The following LATS2 variants were observed in gnomAD, a reference collection of about 807,000 sequenced individuals.
LATS2 encodes the protein serine/threonine-protein kinase LATS2.
Under a neutral mutation model 76.0 loss-of-function variants are expected in LATS2, and 24 were observed. The ratio of observed to expected loss-of-function variants is 0.32; its 90% CI spans 0.23 to 0.44. The LOEUF is 0.44. Ranked by LOEUF, LATS2 falls within the 20% of genes least tolerant of loss-of-function variation. The pLI is 1.00. For synonymous variants in LATS2, 692 were observed against 635.4 expected (o/e 1.09, Z -1.34); for missense variants, 1,286 against 1,481.2 (o/e 0.87, Z 2.16).
chr13:21,056,707 G>A (rs1386079659), intron 1 of LATS2, among the ~76,000 whole-genome samples: 3 of 152,198 alleles, frequency 2.0e-5, no homozygotes, highest in Non-Finnish European at 4.4e-5. Context: ...GAGAATCACT[G>A]CTATGGACTG....
chr13:20,997,268 G>A (rs1870797782), intron 2 of LATS2, among the ~76,000 whole-genome samples: 1 of 152,182 alleles, frequency 6.6e-6, no homozygotes, highest in Non-Finnish European at 1.5e-5. Context: ...CTGTACCTTA[G>A]GTATCTTTCC....
At chr13:21,059,456 G>A (rs1873554277) in intron 1 of LATS2, among the ~76,000 whole-genome samples, 1 of 152,040 alleles carries the variant, frequency 6.6e-6, no homozygotes. Context: ...AATTAGCCGG[G>A]CGTGGTGGCA....
At chr13:20,979,078 T>C (rs1312929635) in intron 7 of LATS2, among the ~76,000 whole-genome samples, 2 of 152,134 alleles carry the variant, frequency 1.3e-5, no homozygotes, top group African/African-American at 4.8e-5. Flanking sequence ...CCTCCCAAAG[T>C]AGTGGGATTA....
chr13:20,990,655 T>C (rs986613056), intron 3 of LATS2, among the ~76,000 whole-genome samples: 3 of 151,972 alleles, frequency 2.0e-5, no homozygotes, highest in Non-Finnish European at 4.4e-5. Context: ...CGCCTGGCCA[T>C]GAATCCTTTA....
Position 20,974,303 on chromosome 13 carries a change from CA to C in LATS2, c.*566del. 2.7e-5 allele frequency: 6 copies of C among 223,578 alleles called. No individual in the cohort carries two copies. Among genetic ancestry groups the C allele is most frequent in the Non-Finnish European group, 4.4e-5 (5 of 112,662 alleles). The allele number at this position is 223,578 out of a possible 1,614,324, so 13.8% of individuals were successfully genotyped here. A position where few individuals can be genotyped will look rare whatever the true frequency, so the allele number is the denominator to read the frequency against. Reference sequence around the variant, plus strand: ...CTATTATACTAGATATGCAAAAAGCCAAAAAAAGCAGCTTTTAACATTATAT... The same window carrying C: ...CTATTATACTAGATATGCAAAAAGCCAAAAAAGCAGCTTTTAACATTATAT... On this transcript the variant is annotated 3_prime_UTR_variant, in exon 8 of 8. Transcript: ENST00000382592.
intron 3 of LATS2, among the ~76,000 whole-genome samples, chr13:20,990,943 C>A (rs994661728): frequency 2.2e-4 from 33 of 152,344 alleles, no homozygotes; most frequent in African/African-American, 7.2e-4. Flanking sequence ...GTGAAAAGAC[C>A]ATTTTTACGC....
Position 20,974,960 on chromosome 13 carries a change from TGAAG to T in LATS2, c.3173_3176del (p.Pro1058GlnfsTer13). ...TCTCAGCCTGTGAAGCTTCTGCTCC[TGAAG>T]GCTTTGGGCATCGAAAGGGGTAGCC... is the stretch of plus-strand genomic sequence containing the variant. On this transcript the variant is annotated frameshift_variant, in exon 8 of 8. Coordinates refer to ENST00000382592, the MANE Select transcript of LATS2 (RefSeq NM_014572.3). LOFTEE classifies it low-confidence loss of function (END_TRUNC). The T allele has an allele frequency of 1.2e-6, 2 of 1,614,246 alleles. No homozygotes were observed. Among genetic ancestry groups the T allele is most frequent in the Non-Finnish European group, 1.7e-6 (2 of 1,180,042 alleles).
intron 4 of LATS2, among the ~76,000 whole-genome samples, chr13:20,986,153 C>G (rs1870132174): frequency 6.6e-6 from 1 of 152,072 alleles, no homozygotes; most frequent in Non-Finnish European, 1.5e-5. Flanking sequence ...CAGGGAAATG[C>G]AAATGAAAAC....
chr13:20,983,955 G>T, intron 4 of LATS2, 149 bp from the exon 5 acceptor site: 1 of 651,954 alleles, frequency 1.5e-6, no homozygotes, highest in South Asian at 1.9e-5. Context: ...ATATACTACA[G>T]AGTCTCGCTC....
intron 2 of LATS2, among the ~76,000 whole-genome samples, chr13:21,040,260 G>A (rs1219585944): frequency 3.3e-5 from 5 of 151,766 alleles, no homozygotes; most frequent in Non-Finnish European, 4.4e-5. Flanking sequence ...GGTGATGTGC[G>A]CCTGTGGTCT....
In LATS2 at chr13:20,991,593, C is replaced by G. The variant is rs1051156033; in HGVS notation, c.343-189G>C. On this transcript the variant is annotated intron_variant, in intron 2 of 7. Coordinates refer to ENST00000382592, the MANE Select transcript of LATS2 (RefSeq NM_014572.3). This position sits in a 1 kb window ranked among gnomAD's most constrained non-coding sequence, Gnocchi z 4.9. ...TGTGTGCCCTGCAGGTACCTGATGGCAAAAGCCTAGCACAAGCCACACCAT... is the reference window on the plus strand; with the variant it reads ...TGTGTGCCCTGCAGGTACCTGATGGGAAAAGCCTAGCACAAGCCACACCAT... 1.1e-4 allele frequency among the ~76,000 whole-genome samples: 16 copies of G among 152,176 alleles called. No individual in the cohort carries two copies. Among genetic ancestry groups the G allele is most frequent in the African/African-American group, 3.6e-4 (15 of 41,444 alleles).
Position 21,023,747 on chromosome 13 carries a change from G to A in LATS2, c.342+21938C>T, listed in dbSNP as rs376685837. On this transcript the variant is annotated intron_variant, in intron 2 of 7. Transcript: ENST00000382592. The stretch of plus-strand genomic sequence containing the variant: ...CCAGCACTTTGGGAGGCTGAGCCGC[G>A]TGGATCACCTGAGGTCGGGAATTCA... Among the ~76,000 whole-genome samples, 7 of 148,638 alleles carry A rather than the reference G, an allele frequency of 4.7e-5. No individual in the cohort carries two copies. The East Asian group carries it at 6.1e-4, about 13-fold the overall frequency.
intron 1 of LATS2, among the ~76,000 whole-genome samples, chr13:21,056,218 G>A (rs535135790): frequency 2.6e-5 from 4 of 152,058 alleles, no homozygotes; most frequent in African/African-American, 7.2e-5. Flanking sequence ...GGGGAGTTTC[G>A]CCATGAGATG....
At chr13:21,000,238 G>A (rs1022957278) in intron 2 of LATS2, among the ~76,000 whole-genome samples, 10 of 151,952 alleles carry the variant, frequency 6.6e-5, no homozygotes, top group East Asian at 5.8e-4. Flanking sequence ...AAAATTAGCC[G>A]GGAGTGGTAG....
chr13:20,978,807 G>C (rs1869742673), intron 7 of LATS2, among the ~76,000 whole-genome samples: 1 of 152,096 alleles, frequency 6.6e-6, no homozygotes, highest in African/African-American at 2.4e-5. Context: ...TGTCACCCAG[G>C]CTGGACTGCA....
In LATS2 at chr13:20,974,719, T is replaced by TA. The variant is rs1869509684; in HGVS notation, c.*150_*151insT. On this transcript the variant is annotated 3_prime_UTR_variant, in exon 8 of 8. Coordinates refer to ENST00000382592, the MANE Select transcript of LATS2 (RefSeq NM_014572.3). ...TGTTTTCAAAAGTGTCCTGTTTGGG[T>TA]TTTCTTGGTGAAGAGCAGAATTTCA... The TA allele has an allele frequency of 1.2e-6, 1 of 807,068 alleles. No homozygotes were observed. The highest frequency in any genetic ancestry group is 1.7e-5 in the African/African-American group (1 of 57,818). 50.0% of individuals were successfully genotyped at this position (807,068 alleles called of 1,614,324 possible). A position where few individuals can be genotyped will look rare whatever the true frequency, so the allele number is the denominator to read the frequency against.
chr13:20,994,868 T>A lies in LATS2; in HGVS notation c.343-3464A>T, dbSNP rs1393370399. On this transcript the variant is annotated intron_variant, in intron 2 of 7. Coordinates refer to ENST00000382592, the MANE Select transcript of LATS2 (RefSeq NM_014572.3). ...AGAATGTGTCTCAAAAAAAAAAAAA[T>A]AGAATAAAATATTTTTTAAAAGAAG... Among the ~76,000 whole-genome samples the A allele has an allele frequency of 6.8e-3, 797 of 116,898 alleles. 9 individuals are homozygous for A. Among genetic ancestry groups the A allele is most frequent in the African/African-American group, 0.023 (745 of 33,038 alleles). 76.7% of individuals were successfully genotyped at this position (116,898 alleles called of 152,430 possible). A position where few individuals can be genotyped will look rare whatever the true frequency, so the allele number is the denominator to read the frequency against.
At position 20,988,217 on chromosome 13, in the gene LATS2, G is replaced by A. The variant is rs758782062; in HGVS notation, c.1563C>T (p.His521=). 5 of 1,609,812 alleles carry A rather than the reference G, an allele frequency of 3.1e-6. No homozygotes were observed. In the East Asian group the frequency reaches 1.1e-4, roughly 36 times the overall value. ...RRCPPPPYPK[H]LLLRSKSEQY... ...GCTCCGACTTGCTGCGCAGCAGCAG[G>A]TGCTTCGGGTAGGGCGGAGGCGGGC... The change falls in exon 4 of 8, where the codon CAC becomes CAT. Residue 521 remains histidine, a synonymous_variant. Coordinates refer to ENST00000382592, the MANE Select transcript of LATS2 (RefSeq NM_014572.3).
intron 2 of LATS2, among the ~76,000 whole-genome samples, chr13:21,021,591 A>C (rs1427549007): frequency 1.3e-5 from 2 of 151,662 alleles, no homozygotes; most frequent in Non-Finnish European, 1.5e-5. Flanking sequence ...AGTGTGTTTA[A>C]ATTTCACATT....
Sources: allele counts gnomAD v4.1 joint callset (sites outside exome capture counted in the v4.1 genomes callset), GRCh38; gene constraint gnomAD v4.1.1; non-coding constraint Gnocchi (gnomAD v3.1); transcripts MANE v1.5; gene names NCBI Gene and HGNC (gene_info 2026-07-23, HGNC 2026-07-21).